The following DIDO1 variants were observed in gnomAD, a reference collection of about 807,000 sequenced individuals.
DIDO1 encodes the protein death inducer-obliterator 1.
A neutral mutation model predicts 99.4 loss-of-function variants in DIDO1; 16 were observed. The observed-to-expected ratio is 0.16, with a 90% CI of 0.11 to 0.24. The LOEUF is 0.24. Among genes scored for constraint, DIDO1 ranks in the 10% least tolerant of loss-of-function variants. The pLI is 1.00. For missense variants in DIDO1, 2,996 were observed against 3,014.0 expected (o/e 0.99, Z 0.14); for synonymous variants, 1,366 against 1,239.1 (o/e 1.10, Z -2.15).
At chr20:62,924,416 G>A (rs977892779) in intron 1 of DIDO1, among the ~76,000 whole-genome samples, 3 of 152,176 alleles carry the variant, frequency 2.0e-5, no homozygotes, top group African/African-American at 7.2e-5. Context: ...ATATAAAAAG[G>A]AAAAACGTGT....
chr20:62,891,883 C>T (rs2064406666), intron 14 of DIDO1, 104 bp downstream of exon 14: 2 of 922,832 alleles, frequency 2.2e-6, no homozygotes, highest in African/African-American at 3.4e-5. Context: ...AAGCTACAGG[C>T]TAACATTTTA....
chr20:62,884,123 CCGAG>C (rs2064258086), intron 15 of DIDO1, among the ~76,000 whole-genome samples: 1 of 152,190 alleles, frequency 6.6e-6, no homozygotes, highest in Non-Finnish European at 1.5e-5. Flanking sequence ...ACGTAAAGCA[CCGAG>C]GTGCTCAGCA....
chr20:62,881,548 G>T lies in DIDO1; in HGVS notation c.4408C>A (p.Pro1470Thr), dbSNP rs1215690362. The T allele has an allele frequency of 6.2e-7, 1 of 1,611,790 alleles. No individual in the cohort carries two copies. The highest frequency in any genetic ancestry group is 2.2e-5 in the East Asian group (1 of 44,884). ...ATCTTCTGTTGCTCCACCAGGGAGG[G>T]CGTCGCAGCCCCGGCCACCGGCTCG... ...PAEPVAGAAT[P>T]SLVEQQKMLE... The change falls in exon 16 of 16, where the codon CCC becomes ACC. Residue 1470 changes from proline (P) to threonine (T), a missense_variant. Pro to Thr is a conservative substitution (Grantham distance 38, BLOSUM62 -1). Around this residue, in one of 5 missense-constraint regions of DIDO1, gnomAD observed 1,562 missense variants for 1,412.6 expected, o/e 1.11. Coordinates refer to ENST00000395343, the MANE Select transcript of DIDO1 (RefSeq NM_001193369.2). This position sits in a 1 kb window ranked among gnomAD's most constrained non-coding sequence, Gnocchi z 8.3.
intron 6 of DIDO1, among the ~76,000 whole-genome samples, chr20:62,902,899 CA>C (rs1221588119): frequency 5.3e-5 from 8 of 152,146 alleles, no homozygotes; most frequent in African/African-American, 1.9e-4. Context: ...TTTAGGGAGA[CA>C]AAATACTAGA....
Position 62,906,119 on chromosome 20 carries a change from C to A in DIDO1, c.1375-19G>T. The A allele has an allele frequency of 1.9e-6, 3 of 1,594,146 alleles. No individual in the cohort carries two copies. Among genetic ancestry groups the A allele is most frequent in the Non-Finnish European group, 2.6e-6 (3 of 1,170,942 alleles). On this transcript the variant is annotated intron_variant, in intron 5 of 15. Coordinates refer to ENST00000395343, the MANE Select transcript of DIDO1 (RefSeq NM_001193369.2). ...TACCTGCCTGGATAATCAGTAAAAC[C>A]CCAAATCATTAAAAAGGTAAGAAAT...
chr20:62,901,541 T>C (rs576462752), intron 6 of DIDO1, among the ~76,000 whole-genome samples: 12 of 142,014 alleles, frequency 8.4e-5, no homozygotes, highest in African/African-American at 2.6e-4. Context: ...GTTAGGGGCA[T>C]GTTAAAATTA....
chr20:62,933,946 A>G (rs1332806023), intron 1 of DIDO1, among the ~76,000 whole-genome samples: 1 of 152,204 alleles, frequency 6.6e-6, no homozygotes, highest in East Asian at 1.9e-4. Context: ...AAACAACTCA[A>G]GTTCAAAGCC....
At chr20:62,889,674 T>C in intron 15 of DIDO1, 3 of 985,396 alleles carry the variant, frequency 3.0e-6, no homozygotes, top group Non-Finnish European at 3.6e-6. Flanking sequence ...CACGTGGAGC[T>C]GGCCAGAGCT....
intron 3 of DIDO1, 65 bp from the exon 4 acceptor site, chr20:62,910,085 A>C: frequency 6.6e-7 from 1 of 1,507,152 alleles, no homozygotes; most frequent in South Asian, 1.2e-5. Context: ...CAACACATTA[A>C]TAAGACAATT....
At position 62,879,854 on chromosome 20, in the gene DIDO1, C is replaced by A. The variant is rs1244297710; in HGVS notation, c.6102G>T (p.Pro2034=). The A allele has an allele frequency of 3.8e-6, 6 of 1,597,334 alleles. No individual in the cohort carries two copies. The highest frequency in any genetic ancestry group is 1.1e-5 in the South Asian group (1 of 89,754). ...CCTCCCAGCGGTCCTTCCGGTGCTG[C>A]GGGGGGTGGCTGGGAAGCTCCAGCA... ...RPLLELPSHP[P]QHRKDRWEEA... is the part of the protein sequence containing the mutation. Residue 2034 remains proline (P), a synonymous_variant, in exon 16 of 16, where the codon CCG becomes CCT. Transcript: ENST00000395343. The surrounding 1 kb of genome is among the most constrained non-coding windows in gnomAD (Gnocchi z 6.3).
At chr20:62,923,856 C>T (rs1466296054) in intron 1 of DIDO1, among the ~76,000 whole-genome samples, 1 of 152,194 alleles carries the variant, frequency 6.6e-6, no homozygotes, top group Non-Finnish European at 1.5e-5. Context: ...GAGAGAAATG[C>T]CTCCTTTACA....
chr20:62,926,792 G>C (rs1056893916), upstream of DIDO1, among the ~76,000 whole-genome samples: 1 of 152,274 alleles, frequency 6.6e-6, no homozygotes, highest in Non-Finnish European at 1.5e-5. Flanking sequence ...CAGGCGGAAC[G>C]TGGATGCTAG....
chr20:62,935,675 G>GT (rs2065375300), intron 1 of DIDO1, among the ~76,000 whole-genome samples: 1 of 152,248 alleles, frequency 6.6e-6, no homozygotes, highest in African/African-American at 2.4e-5. Flanking sequence ...GGAGCAGAGA[G>GT]TAAGATCAGG....
In DIDO1 at chr20:62,905,957, C is replaced by A; in HGVS notation, c.1518G>T (p.Ala506=). The change falls in exon 6 of 16, where the codon GCG becomes GCT. Residue 506 remains alanine, a synonymous_variant. Coordinates refer to ENST00000395343, the MANE Select transcript of DIDO1 (RefSeq NM_001193369.2). The part of the protein sequence containing the change: ...AACESSTPSW[A]SDHNYNAVKP... ...TTACTGCATTGTAATTGTGATCGCT[C>A]GCCCACGACGGCGTGCTGCTCTCAC... The A allele has an allele frequency of 6.2e-7, 1 of 1,614,046 alleles. No homozygotes were observed. The highest frequency in any genetic ancestry group is 8.5e-7 in the Non-Finnish European group (1 of 1,180,022).
chr20:62,890,495 C>A (rs2064374828), intron 15 of DIDO1: 1 of 992,402 alleles, frequency 1.0e-6, no homozygotes. Flanking sequence ...ATAATTATTT[C>A]TAGAAATAGT....
At chr20:62,892,692 A>G (rs1017109151) in intron 13 of DIDO1, 117 bp downstream of exon 13, 3 of 1,340,734 alleles carry the variant, frequency 2.2e-6, no homozygotes, top group Non-Finnish European at 3.0e-6. Flanking sequence ...CAAGAGTGTC[A>G]GGCATTTCTG....
At chr20:62,891,345 G>T (rs1026043455) in intron 14 of DIDO1, among the ~76,000 whole-genome samples, 190 bp from the exon 15 acceptor site, 1 of 152,174 alleles carries the variant, frequency 6.6e-6, no homozygotes, top group Admixed American at 6.5e-5. Context: ...GAGCCGAGCC[G>T]GCTCTTCCTA....
At position 62,881,938 on chromosome 20, in the gene DIDO1, C is replaced by T. The variant is rs369813858; in HGVS notation, c.4018G>A (p.Ala1340Thr). Residue 1340 changes from alanine to threonine, a missense_variant, in exon 16 of 16, where the codon GCA becomes ACA. Transcript: ENST00000395343. The surrounding 1 kb of genome is among the most constrained non-coding windows in gnomAD (Gnocchi z 8.3). Reference sequence around the variant, plus strand: ...GTTTTGGGCTCCTGGGGGAGACCTGCGGTGGACCCGGGAGGCTCTCTGGCG... The same window carrying T: ...GTTTTGGGCTCCTGGGGGAGACCTGTGGTGGACCCGGGAGGCTCTCTGGCG... ...PSAREPPGST[A>T]GLPQEPKTTA... 3.2e-5 allele frequency: 51 copies of T among 1,613,218 alleles called. No homozygotes were observed. The highest frequency in any genetic ancestry group is 3.3e-4 in the Middle Eastern group (2 of 6,084).
Position 62,905,495 on chromosome 20 carries a change from G to A in DIDO1, c.1588+392C>T, listed in dbSNP as rs902494198. ...GTGGAAAAACTGAAGCGTATACAGC[G>A]CTGTTGTCAGAACAACTCATGTGCA... is the stretch of plus-strand genomic sequence containing the variant. On this transcript the variant is annotated intron_variant, in intron 6 of 15. Transcript: ENST00000395343. 1.7e-5 allele frequency: 26 copies of A among 1,550,630 alleles called. No homozygotes were observed. In the Admixed American group the frequency reaches 2.2e-4, roughly 13 times the overall value.
Sources: gnomAD v4.1 joint callset for allele counts (sites outside exome capture counted in the v4.1 genomes callset) on GRCh38, gnomAD v4.1.1 for gene constraint, gnomAD v4.1.1 regional missense constraint, Gnocchi (gnomAD v3.1) non-coding constraint, MANE v1.5 for transcripts, NCBI Gene and HGNC (gene_info 2026-07-23, HGNC 2026-07-21) for gene names.